Variants in PLEKHS1 observed in about 807,000 individuals in gnomAD.
The protein encoded by PLEKHS1 is pleckstrin homology domain-containing family S member 1.
A neutral mutation model predicts 51.0 loss-of-function variants in PLEKHS1; 55 were observed. The observed-to-expected ratio is 1.08, with a 90% CI of 0.87 to 1.35. The LOEUF (loss-of-function observed/expected upper bound fraction) is 1.35, where lower values mean the gene tolerates loss of function less well. Among genes scored for constraint, PLEKHS1 ranks in the 40% most tolerant of loss-of-function variants. The pLI is 0.00. For synonymous variants in PLEKHS1, 153 were observed against 144.8 expected, an observed-to-expected ratio of 1.06 and a Z score of -0.41; for missense variants, 398 against 423.0, an observed-to-expected ratio of 0.94 and a Z score of 0.52.
chr10:113,759,575 TA>T (rs1446532781), intron 2 of PLEKHS1, among the ~76,000 whole-genome samples: 1 of 152,208 alleles, frequency 6.6e-6, no homozygotes, highest in Non-Finnish European at 1.5e-5. Flanking sequence ...CATAATTTTT[TA>T]AAAATATATC....
exon 10 of PLEKHS1, chr10:113,774,908 C>G: frequency 6.2e-7 from 1 of 1,614,174 alleles, no homozygotes; most frequent in Non-Finnish European, 8.5e-7. Context: ...GGATGGGGAC[C>G]TCCACCTGCA....
intron 2 of PLEKHS1, among the ~76,000 whole-genome samples, chr10:113,766,097 T>C (rs1844148388): frequency 6.6e-6 from 1 of 152,248 alleles, no homozygotes; most frequent in South Asian, 2.1e-4. Context: ...AGAATTATCA[T>C]GCTTCTGCAA....
At chr10:113,773,536 C>T (rs563912380) in intron 8 of PLEKHS1, among the ~76,000 whole-genome samples, 3 of 152,228 alleles carry the variant, frequency 2.0e-5, no homozygotes, top group East Asian at 3.9e-4. Context: ...TTCAGCCAGG[C>T]CTGAACATGA....
chr10:113,768,316 C>T (rs370677546), intron 5 of PLEKHS1, among the ~76,000 whole-genome samples: 1 of 152,074 alleles, frequency 6.6e-6, no homozygotes, highest in African/African-American at 2.4e-5. Flanking sequence ...GCAGAGGAGG[C>T]GGACAATGCC....
chr10:113,776,483 T>C (rs1299079496), intron 11 of PLEKHS1, among the ~76,000 whole-genome samples: 2 of 152,192 alleles, frequency 1.3e-5, no homozygotes, highest in Non-Finnish European at 2.9e-5. Flanking sequence ...ATTAATTGTC[T>C]TATAAGTTCT....
chr10:113,771,015 TTTTC>T (rs1486033020), intron 7 of PLEKHS1, among the ~76,000 whole-genome samples: 8 of 152,216 alleles, frequency 5.3e-5, no homozygotes, highest in Non-Finnish European at 1.0e-4. Flanking sequence ...ACTTGACTTT[TTTTC>T]TAGAGAACAT....
At chr10:113,756,819 C>A (rs1415383511) in intron 2 of PLEKHS1, among the ~76,000 whole-genome samples, 1 of 151,652 alleles carries the variant, frequency 6.6e-6, no homozygotes, top group African/African-American at 2.4e-5. Flanking sequence ...AAGGTGTTGC[C>A]AAATTGTGCC....
At position 113,769,029 on chromosome 10, in the gene PLEKHS1, T is replaced by C. The variant is rs180970263; in HGVS notation, c.435+139T>C. The C allele has an allele frequency of 1.5e-4, 85 of 550,278 alleles. 1 individual carries two copies. In the East Asian group the frequency reaches 2.6e-3, roughly 17 times the overall value. The allele number at this position is 550,278 out of a possible 1,614,324, so 34.1% of individuals were successfully genotyped here. On this transcript the variant is annotated intron_variant, in intron 6 of 11. Coordinates refer to ENST00000361048, the Ensembl canonical transcript of PLEKHS1. ...AAATAAATGAGAAAATGTACATCCT[T>C]ATTACTTTTTATGATTAACAGAAAA...
chr10:113,761,102 T>G (rs958988888), intron 2 of PLEKHS1, among the ~76,000 whole-genome samples: 1 of 152,108 alleles, frequency 6.6e-6, no homozygotes, highest in African/African-American at 2.4e-5. Context: ...AATGTATGGG[T>G]TTGTTTCTGG....
At position 113,774,810 on chromosome 10, in the gene PLEKHS1, ACTT is replaced by A; in HGVS notation, c.780-12_780-10del. On this transcript the variant is annotated splice_polypyrimidine_tract_variant and intron_variant, in intron 9 of 11. Transcript: ENST00000361048. ...ACATGCTAAAATAGGGCTTGTTTTA[ACTT>A]CTTATGCTCTAGTTTTTTCAAAGAG... 6.2e-7 allele frequency: 1 copy of A among 1,607,752 alleles called. No individual in the cohort carries two copies.
rs773017958 is a variant in PLEKHS1 at position 113,768,886 on chromosome 10, C to G, written c.431C>G (p.Thr144Arg). Residue 144 changes from threonine (T) to arginine (R), a missense_variant, in exon 6 of 12, where the codon ACA becomes AGA. By Grantham distance (71) the Thr-to-Arg change is moderately conservative (BLOSUM62 -1). Transcript: ENST00000361048. Reference sequence around the variant, plus strand: ...GATATAAAAGCAACACAGCAGAACACAGAGGTGACTCCATATCACTAATAA... The same window carrying G: ...GATATAAAAGCAACACAGCAGAACAGAGAGGTGACTCCATATCACTAATAA... The G allele has an allele frequency of 6.2e-6, 10 of 1,612,178 alleles. No individual in the cohort carries two copies. The Admixed American group carries it at 1.7e-4, about 27-fold the overall frequency.
In PLEKHS1 at chr10:113,765,343, C is replaced by A. The variant is rs761125526; in HGVS notation, c.29-1068C>A. ...CACTGAGGCAAGACATTCCTGAGTA[C>A]TCTACCCAATGCCCTGTAAATTATA... On this transcript the variant is annotated intron_variant, in intron 2 of 11. Coordinates refer to ENST00000361048, the Ensembl canonical transcript of PLEKHS1. The A allele has an allele frequency of 5.1e-6, 4 of 779,258 alleles. No homozygotes were observed. In the African/African-American group the frequency reaches 6.8e-5, roughly 13 times the overall value. 48.3% of individuals were successfully genotyped at this position (779,258 alleles called of 1,614,324 possible). A position where few individuals can be genotyped will look rare whatever the true frequency, so the allele number is the denominator to read the frequency against.
chr10:113,756,958 T>C (rs184392872), intron 2 of PLEKHS1, among the ~76,000 whole-genome samples: 1,949 of 137,242 alleles, frequency 0.014, 51 homozygotes, highest in African/African-American at 0.05. Context: ...ACTCTGTCGC[T>C]CAGGCTGGAG....
intron 11 of PLEKHS1, among the ~76,000 whole-genome samples, chr10:113,780,340 T>C (rs982182150): frequency 2.0e-5 from 3 of 152,274 alleles, no homozygotes; most frequent in Non-Finnish European, 4.4e-5. Flanking sequence ...ATTGGACCCC[T>C]TAGAGCACCA....
At chr10:113,760,423 G>C (rs1270903850) in intron 2 of PLEKHS1, among the ~76,000 whole-genome samples, 1 of 152,100 alleles carries the variant, frequency 6.6e-6, no homozygotes. Context: ...GGAGGCCAAG[G>C]CAGTAGTATT....
chr10:113,774,194 TGGG>T (rs1844544368), intron 8 of PLEKHS1, 30 bp from the exon 9 acceptor site: 1 of 1,347,798 alleles, frequency 7.4e-7, no homozygotes, highest in Non-Finnish European at 1.1e-6. Flanking sequence ...ATCGGTAAAC[TGGG>T]ATTCTTACAT....
chr10:113,762,681 T>C (rs1843995059), intron 2 of PLEKHS1, among the ~76,000 whole-genome samples: 2 of 152,032 alleles, frequency 1.3e-5, no homozygotes, highest in Non-Finnish European at 2.9e-5. Context: ...ACATGATTTA[T>C]ATGATTTGAA....
intron 11 of PLEKHS1, 81 bp downstream of exon 11, chr10:113,775,947 A>AT: frequency 9.4e-7 from 1 of 1,058,956 alleles, no homozygotes; most frequent in Non-Finnish European, 1.4e-6. Context: ...GAAACAGTGT[A>AT]TTTGGCAACA....
intron 8 of PLEKHS1, among the ~76,000 whole-genome samples, chr10:113,773,164 T>C (rs1486774286): frequency 2.6e-5 from 4 of 152,204 alleles, no homozygotes; most frequent in Non-Finnish European, 5.9e-5. Context: ...TTAGCAGAAT[T>C]CTCAGAGCAT....
Sources: allele counts gnomAD v4.1 joint callset (sites outside exome capture counted in the v4.1 genomes callset), GRCh38; gene constraint gnomAD v4.1.1; transcripts MANE v1.5; gene names NCBI Gene and HGNC (gene_info 2026-07-23, HGNC 2026-07-21).